Variants in NETO1 observed in about 807,000 individuals in gnomAD.
NETO1 encodes the protein neuropilin and tolloid-like protein 1.
NETO1 carries 26 observed loss-of-function variants against 61.3 expected under a neutral mutation model. That is an observed-to-expected ratio of 0.42 (90% CI 0.31 to 0.59). The LOEUF (loss-of-function observed/expected upper bound fraction) is 0.59, where lower values mean the gene tolerates loss of function less well. Ranked by LOEUF, NETO1 falls within the 20% of genes least tolerant of loss-of-function variation. The probability of loss-of-function intolerance (pLI) is 0.12; values close to 1 mark genes in which losing one functional copy is unlikely to be tolerated. For synonymous variants in NETO1, 225 were observed against 225.8 expected, an observed-to-expected ratio of 1.00 and a Z score of 0.03; for missense variants, 531 against 662.8, an observed-to-expected ratio of 0.80 and a Z score of 2.18.
At chr18:72,841,259 T>G (rs2073920999) in intron 4 of NETO1, among the ~76,000 whole-genome samples, 2 of 152,170 alleles carry the variant, frequency 1.3e-5, no homozygotes. Context: ...CTATTATATT[T>G]GTGTTTTCTG....
rs1718067479 is a variant in NETO1, at chr18:72,747,575, T to C, written c.*604A>G. ...TACAGGAAAGACCAAAAAATGAATTTTTTTATTGCAATCTAGTAATTTTAC... is the reference window on the plus strand; with the variant it reads ...TACAGGAAAGACCAAAAAATGAATTCTTTTATTGCAATCTAGTAATTTTAC... On this transcript the variant is annotated 3_prime_UTR_variant, in exon 11 of 11. Transcript: ENST00000327305. The C allele has an allele frequency of 6.6e-6, 1 of 152,126 alleles. No individual in the cohort carries two copies. Among genetic ancestry groups the C allele is most frequent in the South Asian group, 2.1e-4 (1 of 4,834 alleles). The allele number at this position is 152,126 out of a possible 1,614,324, so 9.4% of individuals were successfully genotyped here. A position where few individuals can be genotyped will look rare whatever the true frequency, so the allele number is the denominator to read the frequency against.
In NETO1 at chr18:72,780,255, T is replaced by C. The variant is rs536920244; in HGVS notation, c.868+3423A>G. Reference sequence around the variant, plus strand: ...TCATCATTTGAAGAGAGTGATTATTTGTCCACTGTGAAAGAACATATTGGG... The same window carrying C: ...TCATCATTTGAAGAGAGTGATTATTCGTCCACTGTGAAAGAACATATTGGG... On this transcript the variant is annotated intron_variant, in intron 7 of 10. Coordinates refer to ENST00000327305, the MANE Select transcript of NETO1 (RefSeq NM_138966.5). 8.5e-5 allele frequency among the ~76,000 whole-genome samples: 13 copies of C among 152,302 alleles called. No individual in the cohort carries two copies. The East Asian group carries it at 2.3e-3, about 27-fold the overall frequency.
intron 4 of NETO1, among the ~76,000 whole-genome samples, chr18:72,814,016 GA>G (rs942579315): frequency 1.3e-5 from 2 of 151,596 alleles, no homozygotes; most frequent in Admixed American, 6.6e-5. Flanking sequence ...TCAGCAAGCT[GA>G]AAAAAAATGC....
At chr18:72,826,746 A>G (rs912849896) in intron 4 of NETO1, among the ~76,000 whole-genome samples, 1 of 152,198 alleles carries the variant, frequency 6.6e-6, no homozygotes, top group Non-Finnish European at 1.5e-5. Flanking sequence ...ACAGAAGCCT[A>G]GGGTGAGTGT....
In NETO1 at chr18:72,838,683, T is replaced by C. The variant is rs549605272; in HGVS notation, c.469+20143A>G. ...GTTGCACTGTTCCAGTGCATCTTGG[T>C]GCTACTGGTTCTCTTAGAGAATCCC... On this transcript the variant is annotated intron_variant, in intron 4 of 10. Coordinates refer to ENST00000327305, the MANE Select transcript of NETO1 (RefSeq NM_138966.5). Among the ~76,000 whole-genome samples the C allele has an allele frequency of 6.6e-5, 10 of 152,340 alleles. No individual in the cohort carries two copies. In the East Asian group the frequency reaches 1.9e-3, roughly 29 times the overall value.
chr18:72,826,024 A>G (rs2073361547), intron 4 of NETO1, among the ~76,000 whole-genome samples: 1 of 151,916 alleles, frequency 6.6e-6, no homozygotes, highest in Non-Finnish European at 1.5e-5. Flanking sequence ...TAGATCAAAT[A>G]TATTCATTAT....
At chr18:72,800,712 A>G (rs932161937) in intron 4 of NETO1, among the ~76,000 whole-genome samples, 4 of 152,178 alleles carry the variant, frequency 2.6e-5, no homozygotes, top group Admixed American at 6.5e-5. Flanking sequence ...AAAATGTGCT[A>G]TAAGGGACTT....
chr18:72,858,798 G>T (rs1225737264), intron 4 of NETO1, 28 bp downstream of exon 4: 18 of 1,565,532 alleles, frequency 1.1e-5, no homozygotes, highest in African/African-American at 4.1e-5. Context: ...GGAAGAAAAA[G>T]AAATTTTTTT....
chr18:72,814,060 G>A (rs2072953080), intron 4 of NETO1, among the ~76,000 whole-genome samples: 4 of 152,016 alleles, frequency 2.6e-5, no homozygotes, highest in Admixed American at 2.0e-4. Flanking sequence ...GAATGAAGCT[G>A]AAGTGAAAAC....
intron 7 of NETO1, among the ~76,000 whole-genome samples, chr18:72,768,340 T>A (rs1490134128): frequency 6.6e-6 from 1 of 152,212 alleles, no homozygotes; most frequent in East Asian, 1.9e-4. Flanking sequence ...AGACTTGTGT[T>A]AAGATGTATC....
chr18:72,861,703 C>T (rs1252687963), intron 3 of NETO1, among the ~76,000 whole-genome samples: 1 of 152,152 alleles, frequency 6.6e-6, no homozygotes. Context: ...TATTCTTCAT[C>T]ACAATGGGTC....
intron 3 of NETO1, among the ~76,000 whole-genome samples, chr18:72,863,049 A>C (rs1225200101): frequency 1.3e-5 from 2 of 152,098 alleles, no homozygotes; most frequent in Non-Finnish European, 2.9e-5. Flanking sequence ...CTTTTCCTTC[A>C]GTTGCTTCAT....
rs1344703171 is a variant in NETO1 at position 72,772,749 on chromosome 18, C to CTCTA, written c.868+10928_868+10929insTAGA. 2.6e-4 allele frequency among the ~76,000 whole-genome samples: 7 copies of CTCTA among 27,142 alleles called. No homozygotes were observed. In the South Asian group the frequency reaches 0.012, roughly 46 times the overall value. The allele number at this position is 27,142 out of a possible 152,430, so 17.8% of individuals were successfully genotyped here. ...GTATCATGTACACACACACATCTCT[C>CTCTA]TATATATATCTATATATATATATAT... On this transcript the variant is annotated intron_variant, in intron 7 of 10. Coordinates refer to ENST00000327305, the MANE Select transcript of NETO1 (RefSeq NM_138966.5).
At chr18:72,863,476 G>T (rs9948277) in intron 3 of NETO1, among the ~76,000 whole-genome samples, 10 of 152,156 alleles carry the variant, frequency 6.6e-5, no homozygotes, top group African/African-American at 2.2e-4. Flanking sequence ...CTATGAGGCA[G>T]GTAGCGAGTA....
At chr18:72,801,703 T>C (rs2072512730) in intron 4 of NETO1, among the ~76,000 whole-genome samples, 1 of 152,224 alleles carries the variant, frequency 6.6e-6, no homozygotes, top group African/African-American at 2.4e-5. Flanking sequence ...GAATTAAGTA[T>C]GTTTGCTGCT....
intron 4 of NETO1, among the ~76,000 whole-genome samples, chr18:72,794,665 C>T (rs1046639948): frequency 3.3e-5 from 5 of 152,064 alleles, no homozygotes; most frequent in Non-Finnish European, 5.9e-5. Context: ...GCCTTTCCTG[C>T]CTCTAATTAT....
intron 8 of NETO1, among the ~76,000 whole-genome samples, chr18:72,751,076 C>CAA (rs1555680823): frequency 2.0e-5 from 3 of 151,768 alleles, no homozygotes; most frequent in African/African-American, 7.3e-5. Context: ...CACACACACA[C>CAA]AATCTATCTA....
At chr18:72,755,126 A>G (rs1045639150) in intron 8 of NETO1, among the ~76,000 whole-genome samples, 1 of 152,226 alleles carries the variant, frequency 6.6e-6, no homozygotes, top group African/African-American at 2.4e-5. Context: ...CCACGTTTAT[A>G]TAGGGCAAAA....
chr18:72,804,802 C>T (rs1004368143), intron 4 of NETO1, among the ~76,000 whole-genome samples: 97 of 152,310 alleles, frequency 6.4e-4, no homozygotes, highest in African/African-American at 2.3e-3. Context: ...AGCTCGACTA[C>T]CTAACAGGAT....
Sources: allele counts gnomAD v4.1 joint callset (sites outside exome capture counted in the v4.1 genomes callset), GRCh38; gene constraint gnomAD v4.1.1; transcripts MANE v1.5; gene names NCBI Gene and HGNC (gene_info 2026-07-23, HGNC 2026-07-21).